Variants in MYO1D observed in about 807,000 individuals in gnomAD.
The protein encoded by MYO1D is myosin ID.
Under a neutral mutation model 122.0 loss-of-function variants are expected in MYO1D, and 83 were observed. The ratio of observed to expected loss-of-function variants is 0.68; its 90% CI spans 0.57 to 0.82. The LOEUF is 0.82. MYO1D is among the 40% of genes least tolerant of loss of function. The probability of loss-of-function intolerance (pLI) is 0.00; values close to 1 mark genes in which losing one functional copy is unlikely to be tolerated. For missense variants in MYO1D, 1,157 were observed against 1,269.5 expected (o/e 0.91, Z 1.35); for synonymous variants, 464 against 446.9 (o/e 1.04, Z -0.48).
In MYO1D at chr17:32,708,709, T is replaced by C. The variant is rs760464972; in HGVS notation, c.2121+3279A>G. Reference sequence around the variant, plus strand: ...TACCCTGGAATGGTCTTCTTGAGCATAGGGAAGGAGACCCTTATATTCCCT... The same window carrying C: ...TACCCTGGAATGGTCTTCTTGAGCACAGGGAAGGAGACCCTTATATTCCCT... On this transcript the variant is annotated intron_variant, in intron 16 of 21. Transcript: ENST00000318217. Among the ~76,000 whole-genome samples the C allele has an allele frequency of 2.6e-5, 4 of 152,302 alleles. No individual in the cohort carries two copies. In the East Asian group the frequency reaches 5.8e-4, roughly 22 times the overall value.
chr17:32,525,353 C>T (rs962054088), intron 21 of MYO1D, among the ~76,000 whole-genome samples: 5 of 152,186 alleles, frequency 3.3e-5, no homozygotes, highest in Admixed American at 6.5e-5. Context: ...CAAATGAGGT[C>T]GCCACATGGC....
intron 11 of MYO1D, among the ~76,000 whole-genome samples, chr17:32,753,339 T>C (rs1387549775): frequency 6.6e-6 from 1 of 152,102 alleles, no homozygotes; most frequent in East Asian, 1.9e-4. Context: ...TTTACCTTTA[T>C]GCAATATATC....
chr17:32,848,591 A>G (rs1180597515), intron 1 of MYO1D, among the ~76,000 whole-genome samples: 2 of 152,242 alleles, frequency 1.3e-5, no homozygotes, highest in East Asian at 1.9e-4. Flanking sequence ...AGAGGCCATT[A>G]GTGGGCTTGA....
intron 21 of MYO1D, among the ~76,000 whole-genome samples, chr17:32,548,497 G>A (rs774055652): frequency 3.3e-5 from 5 of 151,748 alleles, no homozygotes; most frequent in Non-Finnish European, 7.4e-5. Flanking sequence ...AAAATGAGAA[G>A]GGGCCTAATA....
chr17:32,754,096 A>G (rs1455784428), intron 11 of MYO1D, among the ~76,000 whole-genome samples: 2 of 152,220 alleles, frequency 1.3e-5, no homozygotes, highest in East Asian at 3.9e-4. Context: ...ATTCAACTTT[A>G]CAAACACTGA....
chr17:32,585,146 C>G (rs1444616932), intron 21 of MYO1D, among the ~76,000 whole-genome samples: 2 of 152,096 alleles, frequency 1.3e-5, no homozygotes, highest in Non-Finnish European at 2.9e-5. Flanking sequence ...AAATTGTTCT[C>G]TCATTTTTTT....
chr17:32,669,549 C>G (rs1233900152), intron 16 of MYO1D, among the ~76,000 whole-genome samples: 3 of 152,154 alleles, frequency 2.0e-5, no homozygotes, highest in Non-Finnish European at 2.9e-5. Flanking sequence ...ATCCTTACAT[C>G]AGTAAAAATT....
At chr17:32,598,470 G>A (rs2087524550) in intron 21 of MYO1D, among the ~76,000 whole-genome samples, 1 of 152,220 alleles carries the variant, frequency 6.6e-6, no homozygotes, top group Admixed American at 6.5e-5. Context: ...TTTTTGATTT[G>A]TGGAATACAG....
At chr17:32,714,395 T>C (rs1298748665) in intron 15 of MYO1D, among the ~76,000 whole-genome samples, 3 of 152,224 alleles carry the variant, frequency 2.0e-5, no homozygotes, top group Non-Finnish European at 2.9e-5. Flanking sequence ...GCAAAGGGCA[T>C]TACCTCTTTC....
At chr17:32,739,369 CA>C (rs1246027841) in intron 13 of MYO1D, among the ~76,000 whole-genome samples, 1 of 151,900 alleles carries the variant, frequency 6.6e-6, no homozygotes, top group Non-Finnish European at 1.5e-5. Context: ...TGGAAACCAT[CA>C]TTCTTAGCAA....
intron 19 of MYO1D, among the ~76,000 whole-genome samples, chr17:32,650,366 G>A (rs929512865): frequency 8.6e-5 from 13 of 152,032 alleles, no homozygotes; most frequent in South Asian, 2.1e-4. Flanking sequence ...ACAATTTACC[G>A]TAGTATAGTT....
chr17:32,792,957 C>G (rs527579771), intron 1 of MYO1D, among the ~76,000 whole-genome samples: 5 of 152,240 alleles, frequency 3.3e-5, no homozygotes, highest in African/African-American at 1.2e-4. Flanking sequence ...AACCCTGGCT[C>G]TGCCAGTTAC....
Position 32,543,552 on chromosome 17 carries a change from C to T in MYO1D, c.2865-48637G>A, listed in dbSNP as rs186865152. ...GATCATGCCACTGCACTCCAGCCTGCGCAACATCAAGACTCTGTCTCAAAA... is the reference window on the plus strand; with the variant it reads ...GATCATGCCACTGCACTCCAGCCTGTGCAACATCAAGACTCTGTCTCAAAA... On this transcript the variant is annotated intron_variant, in intron 21 of 21. Coordinates refer to ENST00000318217, the MANE Select transcript of MYO1D (RefSeq NM_015194.3). 9.5e-4 allele frequency among the ~76,000 whole-genome samples: 138 copies of T among 145,156 alleles called. 1 individual carries two copies. Among genetic ancestry groups the T allele is most frequent in the African/African-American group, 3.1e-3 (118 of 38,686 alleles).
Position 32,877,107 on chromosome 17 carries a change from G to C in MYO1D, c.-235C>G, listed in dbSNP as rs2091243443. 5.1e-6 allele frequency: 1 copy of C among 195,354 alleles called. No individual in the cohort carries two copies. Among genetic ancestry groups the C allele is most frequent in the Non-Finnish European group, 1.0e-5 (1 of 97,434 alleles). 12.1% of individuals were successfully genotyped at this position (195,354 alleles called of 1,614,324 possible). On this transcript the variant is annotated 5_prime_UTR_variant, in exon 1 of 22. Coordinates refer to ENST00000318217, the MANE Select transcript of MYO1D (RefSeq NM_015194.3). ...CCCGACAGTTTCCGCTCCTCCCGCCGCGGCTGCCGGGCGCTGTAGGGGCCG... is the reference window on the plus strand; with the variant it reads ...CCCGACAGTTTCCGCTCCTCCCGCCCCGGCTGCCGGGCGCTGTAGGGGCCG...
rs928211099 is a variant in MYO1D at position 32,781,388 on chromosome 17, T to A, written c.96-604A>T. ...GATTCCTGTTCCTTCCTGCTTTCTATGAACAATACTGCAGAAAACACTCTT... is the reference window on the plus strand; with the variant it reads ...GATTCCTGTTCCTTCCTGCTTTCTAAGAACAATACTGCAGAAAACACTCTT... On this transcript the variant is annotated intron_variant, in intron 1 of 21. Coordinates refer to ENST00000318217, the MANE Select transcript of MYO1D (RefSeq NM_015194.3). Among the ~76,000 whole-genome samples the A allele has an allele frequency of 3.9e-5, 6 of 152,320 alleles. No homozygotes were observed. The East Asian group carries it at 1.2e-3, about 29-fold the overall frequency.
intron 21 of MYO1D, among the ~76,000 whole-genome samples, chr17:32,576,224 G>T (rs1010557912): frequency 2.0e-5 from 3 of 152,132 alleles, no homozygotes; most frequent in Non-Finnish European, 2.9e-5. Context: ...TTGCTATTTA[G>T]GTTCTAAGCA....
chr17:32,693,885 G>T (rs1186641385), intron 16 of MYO1D, among the ~76,000 whole-genome samples: 1 of 152,194 alleles, frequency 6.6e-6, no homozygotes, highest in Admixed American at 6.5e-5. Context: ...GTGGGGCCGG[G>T]TGTGAGGGAA....
intron 20 of MYO1D, among the ~76,000 whole-genome samples, chr17:32,614,666 T>C (rs2087748697): frequency 1.3e-5 from 2 of 152,108 alleles, no homozygotes; most frequent in African/African-American, 2.4e-5. Flanking sequence ...TAGCTATAAC[T>C]CAGGAAGCTC....
chr17:32,730,202 A>C (rs1239150649), intron 14 of MYO1D, among the ~76,000 whole-genome samples: 2 of 151,424 alleles, frequency 1.3e-5, no homozygotes, highest in African/African-American at 4.8e-5. Context: ...TATGTTAGAA[A>C]ATTTTCACAT....
Sources: gnomAD v4.1 joint callset for allele counts (sites outside exome capture counted in the v4.1 genomes callset) on GRCh38, gnomAD v4.1.1 for gene constraint, MANE v1.5 for transcripts, NCBI Gene and HGNC (gene_info 2026-07-23, HGNC 2026-07-21) for gene names.